Variants in MPPED2 observed in about 807,000 individuals in gnomAD.
The protein encoded by MPPED2 is metallophosphoesterase MPPED2.
A neutral mutation model predicts 33.0 loss-of-function variants in MPPED2; 5 were observed. That is an observed-to-expected ratio of 0.15 (90% CI 0.08 to 0.32). The LOEUF (loss-of-function observed/expected upper bound fraction) is 0.32. Among genes scored for constraint, MPPED2 ranks in the 10% least tolerant of loss-of-function variants. MPPED2 has a pLI of 1.00. For missense variants in MPPED2, 275 were observed against 372.1 expected, an observed-to-expected ratio of 0.74 and a Z score of 2.15; for synonymous variants, 136 against 141.9, an observed-to-expected ratio of 0.96 and a Z score of 0.29.
At chr11:30,404,823 T>C (rs1947964959) in intron 6 of MPPED2, among the ~76,000 whole-genome samples, 1 of 152,228 alleles carries the variant, frequency 6.6e-6, no homozygotes, top group African/African-American at 2.4e-5. Context: ...CAGTAAATAT[T>C]TGTTGATTTC....
chr11:30,447,827 C>A (rs1169893439), intron 4 of MPPED2, among the ~76,000 whole-genome samples: 1 of 152,122 alleles, frequency 6.6e-6, no homozygotes. Flanking sequence ...AGTCCCTGCC[C>A]TAGGTGCTGG....
chr11:30,451,977 G>T (rs1950082536), intron 4 of MPPED2: 12 of 985,300 alleles, frequency 1.2e-5, no homozygotes, highest in Non-Finnish European at 1.4e-5. Flanking sequence ...AGAAATGTGG[G>T]AAGTAGGAGG....
At chr11:30,468,331 T>G (rs1173249985) in intron 4 of MPPED2, among the ~76,000 whole-genome samples, 1 of 151,996 alleles carries the variant, frequency 6.6e-6, no homozygotes, top group Non-Finnish European at 1.5e-5. Flanking sequence ...AATGTGCACC[T>G]CTGCACCACC....
chr11:30,584,687 C>G (rs923339126), intron 1 of MPPED2: 1 of 152,562 alleles, frequency 6.6e-6, no homozygotes, highest in Non-Finnish European at 1.5e-5. Flanking sequence ...ACCTCAGCCT[C>G]CCGGGCGCGT....
chr11:30,441,216 T>C (rs1339794307), intron 4 of MPPED2: 2 of 152,198 alleles, frequency 1.3e-5, no homozygotes, highest in Non-Finnish European at 2.9e-5. Flanking sequence ...TAAAAGAAAT[T>C]AAAACCAAGG....
At chr11:30,453,411 C>T (rs970872275) in intron 4 of MPPED2, among the ~76,000 whole-genome samples, 8 of 152,134 alleles carry the variant, frequency 5.3e-5, no homozygotes, top group African/African-American at 1.4e-4. Context: ...TCCAGGAGCC[C>T]TAGCAAAATG....
At chr11:30,566,542 C>T (rs1198984523) in intron 2 of MPPED2, among the ~76,000 whole-genome samples, 1 of 152,074 alleles carries the variant, frequency 6.6e-6, no homozygotes, top group Non-Finnish European at 1.5e-5. Flanking sequence ...GCCAAGTACA[C>T]CCTCAAGTCT....
intron 2 of MPPED2, among the ~76,000 whole-genome samples, chr11:30,551,974 C>G (rs544573945): frequency 2.8e-4 from 43 of 152,248 alleles, no homozygotes; most frequent in African/African-American, 1.0e-3. Context: ...CAGGATTGCC[C>G]TAATTTCACT....
intron 4 of MPPED2, among the ~76,000 whole-genome samples, chr11:30,439,901 G>A (rs1949488961): frequency 1.3e-5 from 2 of 152,184 alleles, no homozygotes; most frequent in Non-Finnish European, 2.9e-5. Flanking sequence ...GTTTTCTCTG[G>A]TATAAATCTA....
intron 4 of MPPED2, among the ~76,000 whole-genome samples, chr11:30,421,567 A>T (rs1948617364): frequency 6.6e-6 from 1 of 152,014 alleles, no homozygotes; most frequent in South Asian, 2.1e-4. Context: ...AGCAATTTTT[A>T]AGGTAGGTAT....
intron 2 of MPPED2, among the ~76,000 whole-genome samples, chr11:30,557,189 G>A (rs1956007147): frequency 7.0e-6 from 1 of 142,178 alleles, no homozygotes; most frequent in Non-Finnish European, 1.5e-5. Context: ...ATGAATAAAA[G>A]AATGACTGTG....
chr11:30,499,415 G>A (rs997435041), intron 3 of MPPED2, among the ~76,000 whole-genome samples: 1 of 152,146 alleles, frequency 6.6e-6, no homozygotes, highest in East Asian at 1.9e-4. Flanking sequence ...CATTTTCACT[G>A]AGTGTCATGT....
At chr11:30,493,665 T>TA (rs397848205) in intron 4 of MPPED2, among the ~76,000 whole-genome samples, 5,613 of 97,796 alleles carry the variant, frequency 0.057, 118 homozygotes, top group Admixed American at 0.1. Flanking sequence ...ATTTTAAAGA[T>TA]AAAAAAAAAA....
intron 2 of MPPED2, among the ~76,000 whole-genome samples, chr11:30,577,741 G>GA: frequency 6.6e-6 from 1 of 152,278 alleles, no homozygotes; most frequent in South Asian, 2.1e-4. Context: ...GCAAGAAAGA[G>GA]TAAAGCCAGG....
chr11:30,540,144 C>T (rs113917375), intron 2 of MPPED2, among the ~76,000 whole-genome samples: 1 of 152,320 alleles, frequency 6.6e-6, no homozygotes, highest in African/African-American at 2.4e-5. Flanking sequence ...TCCTTGATTT[C>T]TTTAAGCTTC....
chr11:30,424,196 C>G (rs918489037), intron 4 of MPPED2, among the ~76,000 whole-genome samples: 1 of 152,130 alleles, frequency 6.6e-6, no homozygotes, highest in Non-Finnish European at 1.5e-5. Context: ...TTCAGACAAG[C>G]GGTTACTTTG....
intron 2 of MPPED2, among the ~76,000 whole-genome samples, chr11:30,543,288 G>C (rs926509349): frequency 2.6e-5 from 4 of 152,184 alleles, no homozygotes; most frequent in African/African-American, 9.7e-5. Context: ...GTTGACTGAT[G>C]AGTCTCATTA....
chr11:30,449,768 A>AAGAG, intron 4 of MPPED2, among the ~76,000 whole-genome samples: 1 of 152,306 alleles, frequency 6.6e-6, no homozygotes, highest in Admixed American at 6.5e-5. Flanking sequence ...AACCAAGATA[A>AAGAG]AGAGAGATAC....
In MPPED2 at chr11:30,501,415, G is replaced by A. The variant is rs972430233; in HGVS notation, c.311-5894C>T. On this transcript the variant is annotated intron_variant, in intron 3 of 6. Transcript: ENST00000358117. Reference sequence around the variant, plus strand: ...TGGATCTAAAAGTGAAGGTCAGTGCGGCTATGAGGTCTCCAACCTGCACAC... The same window carrying A: ...TGGATCTAAAAGTGAAGGTCAGTGCAGCTATGAGGTCTCCAACCTGCACAC... Among the ~76,000 whole-genome samples the A allele has an allele frequency of 5.3e-5, 8 of 152,304 alleles. No individual in the cohort carries two copies. The East Asian group carries it at 7.7e-4, about 15-fold the overall frequency.
Sources: allele counts gnomAD v4.1 joint callset (sites outside exome capture counted in the v4.1 genomes callset), GRCh38; gene constraint gnomAD v4.1.1; transcripts MANE v1.5; gene names NCBI Gene and HGNC (gene_info 2026-07-23, HGNC 2026-07-21).